Variants in THRAP3 observed in about 807,000 individuals in gnomAD.
The protein encoded by THRAP3 is thyroid hormone receptor associated protein 3.
Under a neutral mutation model 101.0 loss-of-function variants are expected in THRAP3, and 16 were observed. The observed-to-expected ratio is 0.16, with a 90% CI of 0.11 to 0.24. The LOEUF (loss-of-function observed/expected upper bound fraction) is 0.24, where lower values mean the gene tolerates loss of function less well. THRAP3 is among the 10% of genes least tolerant of loss of function. The probability of loss-of-function intolerance (pLI) is 1.00; values close to 1 mark genes in which losing one functional copy is unlikely to be tolerated. For missense variants in THRAP3, 989 were observed against 1,202.7 expected (o/e 0.82, Z 2.63); for synonymous variants, 407 against 422.6 (o/e 0.96, Z 0.45).
Position 36,289,581 on chromosome 1 carries a change from T to G in THRAP3, c.1562T>G (p.Phe521Cys). 1 of 1,614,006 alleles carries G rather than the reference T, an allele frequency of 6.2e-7. No homozygotes were observed. Among genetic ancestry groups the G allele is most frequent in the South Asian group, 1.1e-5 (1 of 91,068 alleles). Residue 521 changes from phenylalanine to cysteine, a missense_variant, in exon 5 of 12, where the codon TTC (phenylalanine) becomes TGC (cysteine). Transcript: ENST00000354618. Reference sequence around the variant, plus strand: ...AGGGGCTTTGTGCCTGAGAAGAATTTCCGAGTGACTGCTTATAAAGCAGTC... The same window carrying G: ...AGGGGCTTTGTGCCTGAGAAGAATTGCCGAGTGACTGCTTATAAAGCAGTC... ...GHRGFVPEKN[F>C]RVTAYKAVQE...
At chr1:36,222,379 A>G (rs980149656), upstream of THRAP3, among the ~76,000 whole-genome samples, 4 of 152,026 alleles carry the variant, frequency 2.6e-5, no homozygotes, top group African/African-American at 9.7e-5. Flanking sequence ...TGAACCTGCA[A>G]TATTTGAGAT....
chr1:36,252,513 A>G (rs151069877), intron 1 of THRAP3, among the ~76,000 whole-genome samples: 6 of 152,316 alleles, frequency 3.9e-5, no homozygotes, highest in Non-Finnish European at 7.3e-5. Flanking sequence ...AAAGGGTCAG[A>G]TACTTTAGGC....
chr1:36,297,940 T>C (rs1168036302), intron 9 of THRAP3, among the ~76,000 whole-genome samples: 2 of 142,192 alleles, frequency 1.4e-5, no homozygotes, highest in East Asian at 4.2e-4. Flanking sequence ...TGGTCAGGAG[T>C]TCAAGACCAG....
chr1:36,275,136 C>CAA (rs34946703), intron 2 of THRAP3, among the ~76,000 whole-genome samples: 1 of 146,816 alleles, frequency 6.8e-6, no homozygotes, highest in Non-Finnish European at 1.5e-5. Context: ...CACACACACA[C>CAA]AAAATTAGCT....
rs115032056 is a variant in THRAP3, at chr1:36,287,818, G to A, written c.1040+548G>A. On this transcript the variant is annotated intron_variant, in intron 4 of 11. Coordinates refer to ENST00000354618, the MANE Select transcript of THRAP3 (RefSeq NM_005119.4). ...TGTCCCAGTAGAAGCCAACACGGCT[G>A]CGTGTTAGGAGAGGACATGACAGTG... is the stretch of plus-strand genomic sequence containing the variant. 5.1e-6 allele frequency: 5 copies of A among 985,462 alleles called. No homozygotes were observed. In the African/African-American group the frequency reaches 5.2e-5, roughly 10 times the overall value. The allele number at this position is 985,462 out of a possible 1,614,324, so 61.0% of individuals were successfully genotyped here. A position where few individuals can be genotyped will look rare whatever the true frequency, so the allele number is the denominator to read the frequency against.
At position 36,296,573 on chromosome 1, in the gene THRAP3, C is replaced by A. The variant is rs372054472; in HGVS notation, c.2116-10C>A. On this transcript the variant is annotated splice_polypyrimidine_tract_variant and intron_variant, in intron 8 of 11. Transcript: ENST00000354618. ...CCCAGAAACCTTAATTTTGGCTTATCTTTTGATAGGCTGAGGGAAAATACA... is the reference window on the plus strand; with the variant it reads ...CCCAGAAACCTTAATTTTGGCTTATATTTTGATAGGCTGAGGGAAAATACA... The A allele has an allele frequency of 5.2e-6, 8 of 1,523,874 alleles. No homozygotes were observed. In the African/African-American group the frequency reaches 9.8e-5, roughly 19 times the overall value. The allele number at this position is 1,523,874 out of a possible 1,614,324, so 94.4% of individuals were successfully genotyped here. A position where few individuals can be genotyped will look rare whatever the true frequency, so the allele number is the denominator to read the frequency against.
chr1:36,211,333 C>T, the THRAP3 span, among the ~76,000 whole-genome samples: 1 of 151,288 alleles, frequency 6.6e-6, no homozygotes, highest in Non-Finnish European at 1.5e-5. Context: ...TGTACTCCAG[C>T]CTGGGAGACA....
intron 1 of THRAP3, among the ~76,000 whole-genome samples, chr1:36,254,320 G>A (rs1645346394): frequency 1.3e-5 from 2 of 152,100 alleles, no homozygotes; most frequent in South Asian, 4.1e-4. Flanking sequence ...TAAGATCAAT[G>A]TATGTTATAT....
intron 1 of THRAP3, among the ~76,000 whole-genome samples, chr1:36,247,870 CTTT>C (rs550667195): frequency 1.6e-5 from 2 of 128,516 alleles, no homozygotes; most frequent in Non-Finnish European, 1.7e-5. Context: ...CCATCTTCAT[CTTT>C]TTTTTTTTTT....
intron 1 of THRAP3, chr1:36,225,195 A>G (rs1378929822): frequency 1.3e-5 from 2 of 152,314 alleles, no homozygotes; most frequent in African/African-American, 4.8e-5. Flanking sequence ...TGGCAGCAGA[A>G]GCTGGGGAGC....
intron 7 of THRAP3, among the ~76,000 whole-genome samples, 159 bp downstream of exon 7, chr1:36,292,868 T>C (rs1278669290): frequency 6.6e-6 from 1 of 151,992 alleles, no homozygotes; most frequent in Admixed American, 6.6e-5. Flanking sequence ...TATTTGAGAG[T>C]GTACAGGACA....
At chr1:36,214,428 CCACT>C in the THRAP3 span, among the ~76,000 whole-genome samples, 1 of 152,306 alleles carries the variant, frequency 6.6e-6, no homozygotes, top group South Asian at 2.1e-4. Flanking sequence ...TTCTTCATCC[CCACT>C]GAGAATACAC....
At chr1:36,222,779 C>T (rs1644911520), upstream of THRAP3, among the ~76,000 whole-genome samples, 1 of 152,186 alleles carries the variant, frequency 6.6e-6, no homozygotes, top group Non-Finnish European at 1.5e-5. Context: ...CTACCGTGTT[C>T]CCAGTATTTT....
intron 1 of THRAP3, among the ~76,000 whole-genome samples, chr1:36,230,185 C>A (rs540363433): frequency 2.0e-5 from 3 of 151,704 alleles, no homozygotes; most frequent in Non-Finnish European, 4.4e-5. Flanking sequence ...ATGGCTCGAT[C>A]TCAGCTGACC....
At chr1:36,223,243 G>A (rs1036025215), upstream of THRAP3, among the ~76,000 whole-genome samples, 11 of 152,218 alleles carry the variant, frequency 7.2e-5, no homozygotes, top group African/African-American at 2.7e-4. Context: ...TAAGCCGTGT[G>A]CAAGGAATGC....
At position 36,304,374 on chromosome 1, in the gene THRAP3, A is replaced by C; in HGVS notation, c.*357A>C. 1 of 240,700 alleles carries C rather than the reference A, an allele frequency of 4.2e-6. No individual in the cohort carries two copies. Among genetic ancestry groups the C allele is most frequent in the Non-Finnish European group, 8.0e-6 (1 of 124,690 alleles). 14.9% of individuals were successfully genotyped at this position (240,700 alleles called of 1,614,324 possible). ...AACAGTTTTGTTCTAATTTCATTTC[A>C]TTTGGAGCTAAGATGACTAATTTGA... On this transcript the variant is annotated 3_prime_UTR_variant, in exon 12 of 12. Coordinates refer to ENST00000354618, the MANE Select transcript of THRAP3 (RefSeq NM_005119.4).
At chr1:36,225,828 C>T (rs1419307715) in intron 1 of THRAP3, among the ~76,000 whole-genome samples, 1 of 152,160 alleles carries the variant, frequency 6.6e-6, no homozygotes, top group Non-Finnish European at 1.5e-5. Flanking sequence ...AATGTTCATA[C>T]GTTAATGATA....
At chr1:36,261,483 A>T (rs1358589396) in intron 2 of THRAP3, among the ~76,000 whole-genome samples, 1 of 152,234 alleles carries the variant, frequency 6.6e-6, no homozygotes, top group East Asian at 1.9e-4. Context: ...CAGTGAGCTG[A>T]GATCGCGCCA....
At chr1:36,283,632 TG>T (rs1645760661) in intron 3 of THRAP3, among the ~76,000 whole-genome samples, 1 of 50,222 alleles carries the variant, frequency 2.0e-5, no homozygotes, top group East Asian at 5.9e-4. Flanking sequence ...TTATTTCAGA[TG>T]AGTATCTAGA....
Sources: gnomAD v4.1 joint callset for allele counts (sites outside exome capture counted in the v4.1 genomes callset) on GRCh38, gnomAD v4.1.1 for gene constraint, MANE v1.5 for transcripts, NCBI Gene and HGNC (gene_info 2026-07-23, HGNC 2026-07-21) for gene names.